The following DMD variants were observed in gnomAD, a reference collection of about 807,000 sequenced individuals.
DMD encodes dystrophin.
In DMD, 63 loss-of-function variants were observed where a neutral mutation model predicts 330.1. The ratio of observed to expected loss-of-function variants is 0.19; its 90% CI spans 0.16 to 0.24. The LOEUF is 0.24. Among genes scored for constraint, DMD ranks in the 10% least tolerant of loss-of-function variants. The pLI is 1.00. For missense variants in DMD, 3,344 were observed against 2,684.1 expected, an observed-to-expected ratio of 1.25 and a Z score of -5.43; for synonymous variants, 1,223 against 959.8, an observed-to-expected ratio of 1.27 and a Z score of -5.07.
intron 2 of DMD, among the ~76,000 whole-genome samples, chrX:32,971,347 T>TA (rs2092374484): frequency 8.9e-6 from 1 of 111,734 alleles, no homozygotes; most frequent in Non-Finnish European, 1.9e-5. Flanking sequence ...CCAAGAAGTG[T>TA]ACAACAAATG....
chrX:32,571,566 G>A (rs2052425582), intron 15 of DMD, among the ~76,000 whole-genome samples: 1 of 111,625 alleles, frequency 9.0e-6, no homozygotes, highest in South Asian at 3.7e-4. Context: ...TCCCTCAGAA[G>A]CATTTTGATT....
At chrX:31,612,497 T>C (rs1350275303) in intron 55 of DMD, among the ~76,000 whole-genome samples, 1 of 111,796 alleles carries the variant, frequency 8.9e-6, no homozygotes, top group Non-Finnish European at 1.9e-5. Context: ...TTCTACTTAG[T>C]TGAAAGTCAC....
intron 21 of DMD, among the ~76,000 whole-genome samples, chrX:32,483,161 A>ATC (rs1174658913): frequency 1.2e-5 from 1 of 85,268 alleles, no homozygotes; most frequent in Non-Finnish European, 2.4e-5. Context: ...ATATATATAT[A>ATC]TATACACCAT....
chrX:33,045,137 A>C (rs1308703108), intron 1 of DMD, among the ~76,000 whole-genome samples: 1 of 111,075 alleles, frequency 9.0e-6, no homozygotes, highest in East Asian at 2.8e-4. Context: ...TTTTGCATTT[A>C]ATCCTCACAA....
chrX:32,730,450 A>C (rs2067438633), intron 7 of DMD, among the ~76,000 whole-genome samples: 2 of 112,489 alleles, frequency 1.8e-5, no homozygotes, highest in African/African-American at 6.5e-5. Context: ...GGACACAAAA[A>C]CAATTTGAAT....
intron 67 of DMD, among the ~76,000 whole-genome samples, chrX:31,189,636 C>A (rs1176691230): frequency 8.9e-6 from 1 of 111,990 alleles, no homozygotes; most frequent in Non-Finnish European, 1.9e-5. Context: ...TCCTTAATTT[C>A]TTTCCTAAAT....
intron 17 of DMD, among the ~76,000 whole-genome samples, chrX:32,531,161 A>AT (rs1485603649): frequency 8.9e-6 from 1 of 111,869 alleles, no homozygotes; most frequent in African/African-American, 3.2e-5. Context: ...TGTACAAATA[A>AT]TATGTAAGTA....
At chrX:32,199,547 TGTG>T (rs1412603985) in intron 44 of DMD, among the ~76,000 whole-genome samples, 1 of 11,557 alleles carries the variant, frequency 8.7e-5, no homozygotes, top group African/African-American at 2.1e-4. Flanking sequence ...GGGGGAGGGG[TGTG>T]AAGGGGGAGG....
At chrX:33,325,991 C>T (rs1445750128) in intron 1 of DMD, among the ~76,000 whole-genome samples, 3 of 111,114 alleles carry the variant, frequency 2.7e-5, no homozygotes, top group Admixed American at 9.7e-5. Context: ...ACTATCATAC[C>T]ATCATAACTA....
At chrX:33,067,199 G>A (rs781211453) in intron 1 of DMD, among the ~76,000 whole-genome samples, 3 of 112,268 alleles carry the variant, frequency 2.7e-5, no homozygotes, top group Non-Finnish European at 3.8e-5. Flanking sequence ...CTGAACAGAA[G>A]CAAATTTGAA....
intron 63 of DMD, among the ~76,000 whole-genome samples, chrX:31,225,784 T>C (rs1019888198): frequency 2.7e-5 from 3 of 111,746 alleles, no homozygotes; most frequent in South Asian, 3.8e-4. Flanking sequence ...GGACCACACT[T>C]TGAGAACCAC....
intron 47 of DMD, among the ~76,000 whole-genome samples, chrX:31,900,816 G>C (rs918506526): frequency 9.0e-6 from 1 of 110,835 alleles, no homozygotes; most frequent in Non-Finnish European, 1.9e-5. Context: ...CTGGGCCACC[G>C]GAAAAAATAT....
intron 55 of DMD, among the ~76,000 whole-genome samples, chrX:31,518,120 T>C (rs950689261): frequency 9.0e-6 from 1 of 111,368 alleles, no homozygotes; most frequent in Admixed American, 9.5e-5. Context: ...AGGACACAAT[T>C]TCCTGAGAAA....
intron 60 of DMD, among the ~76,000 whole-genome samples, chrX:31,360,299 C>CA (rs1428643585): frequency 9.0e-6 from 1 of 111,172 alleles, no homozygotes; most frequent in Non-Finnish European, 1.9e-5. Flanking sequence ...TCAAGAAAAA[C>CA]AAAAAAAGTT....
intron 41 of DMD, among the ~76,000 whole-genome samples, chrX:32,318,376 C>G (rs1353680271): frequency 1.8e-5 from 2 of 111,266 alleles, no homozygotes; most frequent in African/African-American, 6.5e-5. Flanking sequence ...GCAGGTGAGA[C>G]GGGTATGGTT....
At chrX:32,484,841 T>C (rs181923703) in intron 21 of DMD, 78 bp downstream of exon 21, 1 of 1,022,643 alleles carries the variant, frequency 9.8e-7, no homozygotes, top group African/African-American at 1.9e-5. Context: ...TATTGTTTCA[T>C]GTTAGTACCT....
chrX:31,849,355 A>G lies in DMD; in HGVS notation c.7099-12536T>C, dbSNP rs1003511824. ...TTAGAGCAGGTCAGGTATAACAACT[A>G]GTAAAGTGCAATGTATAATGGAGCA... On this transcript the variant is annotated intron_variant, in intron 48 of 78. Transcript: ENST00000357033. Among the ~76,000 whole-genome samples the G allele has an allele frequency of 1.3e-4, 15 of 111,119 alleles. 1 individual carries two copies. The highest frequency in any genetic ancestry group is 2.5e-4 in the Non-Finnish European group (13 of 53,061).
intron 20 of DMD, among the ~76,000 whole-genome samples, chrX:32,488,496 T>G (rs144896724): frequency 0.014 from 1,539 of 111,786 alleles, 32 homozygotes; most frequent in African/African-American, 0.042. Flanking sequence ...TTATAATTTA[T>G]TTACCTATCA....
chrX:31,625,511 T>C (rs2078789214), intron 55 of DMD, among the ~76,000 whole-genome samples: 1 of 112,265 alleles, frequency 8.9e-6, no homozygotes, highest in South Asian at 3.7e-4. Flanking sequence ...GTGGTTTGGT[T>C]AAGCCACTGG....
Sources: allele counts gnomAD v4.1 joint callset (sites outside exome capture counted in the v4.1 genomes callset), GRCh38; gene constraint gnomAD v4.1.1; transcripts MANE v1.5; gene names NCBI Gene and HGNC (gene_info 2026-07-23, HGNC 2026-07-21).